Variants in SLC16A4 observed in about 807,000 individuals in gnomAD.
SLC16A4 encodes the protein solute carrier family 16 member 4, also known as probable monocarboxylate transporter 5.
In SLC16A4, 39 loss-of-function variants were observed where a neutral mutation model predicts 47.9. That is an observed-to-expected ratio of 0.81 (90% CI 0.63 to 1.06). The LOEUF (loss-of-function observed/expected upper bound fraction) is 1.06. Among genes scored for constraint, SLC16A4 ranks in the 50% least tolerant of loss-of-function variants. The pLI is 0.00. For missense variants in SLC16A4, 524 were observed against 573.8 expected (o/e 0.91, Z 0.89); for synonymous variants, 189 against 199.9 (o/e 0.95, Z 0.46).
At chr1:110,383,936 T>C (rs1439976325) in intron 2 of SLC16A4, among the ~76,000 whole-genome samples, 1 of 151,304 alleles carries the variant, frequency 6.6e-6, no homozygotes, top group East Asian at 2.0e-4. Context: ...GCTTGGAAGT[T>C]AGAAGCAGGA....
intron 2 of SLC16A4, among the ~76,000 whole-genome samples, chr1:110,385,761 A>G (rs1662699143): frequency 6.6e-6 from 1 of 152,234 alleles, no homozygotes; most frequent in South Asian, 2.1e-4. Context: ...AAAAGGAACA[A>G]AACTTATTTA....
rs561919004 is a variant in SLC16A4 at position 110,378,419 on chromosome 1, C to T, written c.1030+434G>A. On this transcript the variant is annotated intron_variant, in intron 6 of 8. Coordinates refer to ENST00000369779, the MANE Select transcript of SLC16A4 (RefSeq NM_004696.3). ...TGAAGCAAAGTAACTTGCTGAAGTT[C>T]CCACAGTTAAGAAATACAGAGCAGG... 3.3e-5 allele frequency among the ~76,000 whole-genome samples: 5 copies of T among 152,270 alleles called. 1 individual carries two copies. The highest frequency in any genetic ancestry group is 6.8e-3 in the Middle Eastern group (2 of 294).
chr1:110,382,658 TG>T (rs2101055334), intron 3 of SLC16A4, among the ~76,000 whole-genome samples, 175 bp downstream of exon 3: 1 of 152,286 alleles, frequency 6.6e-6, no homozygotes, highest in Admixed American at 6.5e-5. Context: ...CTCCCAACTT[TG>T]TTACTAAGTC....
intron 2 of SLC16A4, among the ~76,000 whole-genome samples, chr1:110,385,495 CA>C (rs776209979): frequency 2.6e-5 from 4 of 152,174 alleles, no homozygotes; most frequent in Non-Finnish European, 5.9e-5. Context: ...TCAACTTGTC[CA>C]AACATAAACT....
At chr1:110,367,355 G>A (rs920258443) in intron 8 of SLC16A4, among the ~76,000 whole-genome samples, 2 of 151,988 alleles carry the variant, frequency 1.3e-5, no homozygotes, top group Non-Finnish European at 2.9e-5. Context: ...AAATTAGCTG[G>A]GTGTTGGCCA....
At chr1:110,370,047 T>C (rs1032180875) in intron 8 of SLC16A4, 1 of 152,192 alleles carries the variant, frequency 6.6e-6, no homozygotes, top group Non-Finnish European at 1.5e-5. Flanking sequence ...GCTGGATTCT[T>C]TGGCCTTGCA....
intron 8 of SLC16A4, among the ~76,000 whole-genome samples, chr1:110,373,333 G>T (rs913567048): frequency 6.6e-6 from 1 of 152,122 alleles, no homozygotes; most frequent in African/African-American, 2.4e-5. Flanking sequence ...GACAGCCAAT[G>T]AAGAAGGATC....
At chr1:110,375,131 C>CTTT (rs58441281) in intron 8 of SLC16A4, 64 of 156,220 alleles carry the variant, frequency 4.1e-4, no homozygotes, top group Admixed American at 3.0e-3. Context: ...TGCTCCCAGC[C>CTTT]TTTTTTTTTT....
chr1:110,375,421 C>A (rs756048550), intron 8 of SLC16A4, 37 bp downstream of exon 8: 9 of 1,122,408 alleles, frequency 8.0e-6, no homozygotes, highest in Non-Finnish European at 1.1e-5. Flanking sequence ...TCTTTTATTG[C>A]TATTGAAATT....
At chr1:110,386,773 G>A (rs941657958) in intron 2 of SLC16A4, among the ~76,000 whole-genome samples, 7 of 152,070 alleles carry the variant, frequency 4.6e-5, no homozygotes, top group African/African-American at 1.7e-4. Context: ...ACCTTCACAG[G>A]CAAACTTCTG....
Position 110,376,902 on chromosome 1 carries a change from T to G in SLC16A4, c.1242+48A>C, listed in dbSNP as rs780439359. ...ATTTTGGGGAGATTGTTACTGATAC[T>G]TGCTTTTACTAAATGGTTTAACAAT... On this transcript the variant is annotated intron_variant, in intron 7 of 8. Coordinates refer to ENST00000369779, the MANE Select transcript of SLC16A4 (RefSeq NM_004696.3). The G allele has an allele frequency of 3.4e-6, 5 of 1,469,178 alleles. No individual in the cohort carries two copies. The South Asian group carries it at 6.1e-5, about 18-fold the overall frequency. The allele number at this position is 1,469,178 out of a possible 1,614,324, so 91.0% of individuals were successfully genotyped here.
intron 2 of SLC16A4, among the ~76,000 whole-genome samples, chr1:110,388,008 G>C (rs978416760): frequency 1.3e-5 from 2 of 152,094 alleles, no homozygotes; most frequent in Non-Finnish European, 2.9e-5. Flanking sequence ...ATCTGCATGT[G>C]AACTATAGGA....
chr1:110,381,056 G>C lies in SLC16A4; in HGVS notation c.452C>G (p.Ala151Gly). The C allele has an allele frequency of 6.2e-7, 1 of 1,613,968 alleles. No homozygotes were observed. Among genetic ancestry groups the C allele is most frequent in the East Asian group, 2.2e-5 (1 of 44,874 alleles). ...AAAAGTCAGTCCCATCCCAGAACGG[G>C]CAATAGCTGTAGAAAGAGCCAATCG... ...KKRLALSTAI[A>G]RSGMGLTFLL... Residue 151 changes from alanine (A) to glycine (G), a missense_variant, in exon 5 of 9, where the codon GCC (alanine) becomes GGC (glycine). Coordinates refer to ENST00000369779, the MANE Select transcript of SLC16A4 (RefSeq NM_004696.3).
At chr1:110,386,693 CAG>C (rs1662753392) in intron 2 of SLC16A4, among the ~76,000 whole-genome samples, 1 of 152,180 alleles carries the variant, frequency 6.6e-6, no homozygotes. Context: ...CAGGCTTTGT[CAG>C]AGTTAGTTTT....
At chr1:110,389,034 A>G (rs1262604770) in intron 2 of SLC16A4, among the ~76,000 whole-genome samples, 1 of 152,174 alleles carries the variant, frequency 6.6e-6, no homozygotes, top group Non-Finnish European at 1.5e-5. Flanking sequence ...CTTTTGCTCT[A>G]GGGGCATTTT....
chr1:110,364,202 GAAAA>G, intron 8 of SLC16A4, among the ~76,000 whole-genome samples: 1 of 151,786 alleles, frequency 6.6e-6, no homozygotes, highest in East Asian at 1.9e-4. Context: ...GTTTTCCAGA[GAAAA>G]AAAGAAGTGA....
chr1:110,369,346 T>A (rs1661571403), intron 8 of SLC16A4, among the ~76,000 whole-genome samples: 1 of 149,468 alleles, frequency 6.7e-6, no homozygotes, highest in Admixed American at 6.7e-5. Context: ...ACACCTGTAA[T>A]CCCAGCACTT....
intron 8 of SLC16A4, among the ~76,000 whole-genome samples, chr1:110,365,963 T>A (rs1462261517): frequency 6.6e-6 from 1 of 152,106 alleles, no homozygotes; most frequent in Admixed American, 6.6e-5. Flanking sequence ...TTTCTTTTTT[T>A]AAAATTTCTT....
chr1:110,373,159 A>G (rs564569692), intron 8 of SLC16A4, among the ~76,000 whole-genome samples: 1 of 152,296 alleles, frequency 6.6e-6, no homozygotes, highest in South Asian at 2.1e-4. Flanking sequence ...TGAACTATTT[A>G]AACATTTTAT....
Sources: allele counts gnomAD v4.1 joint callset (sites outside exome capture counted in the v4.1 genomes callset), GRCh38; gene constraint gnomAD v4.1.1; transcripts MANE v1.5; gene names NCBI Gene and HGNC (gene_info 2026-07-23, HGNC 2026-07-21).